DCAF6: variants seen among roughly 807,000 people sequenced by gnomAD.
The protein encoded by DCAF6 is DDB1- and CUL4-associated factor 6.
In DCAF6, 54 loss-of-function variants were observed where a neutral mutation model predicts 125.1. The observed-to-expected ratio is 0.43, with a 90% CI of 0.35 to 0.54. The LOEUF (loss-of-function observed/expected upper bound fraction) is 0.54, where lower values mean the gene tolerates loss of function less well. DCAF6 is among the 20% of genes least tolerant of loss of function. DCAF6 has a pLI of 0.01. For missense variants in DCAF6, 934 were observed against 1,161.7 expected, an observed-to-expected ratio of 0.80 and a Z score of 2.85; for synonymous variants, 371 against 390.4, an observed-to-expected ratio of 0.95 and a Z score of 0.58.
upstream of DCAF6, among the ~76,000 whole-genome samples, chr1:167,932,665 T>G (rs2102558641): frequency 6.6e-6 from 1 of 151,876 alleles, no homozygotes; most frequent in Non-Finnish European, 1.5e-5. Context: ...AAAAATTAGC[T>G]GAGCATGGTG....
chr1:167,904,666 C>T, the DCAF6 span: 1 of 587,092 alleles, frequency 1.7e-6, no homozygotes, highest in Non-Finnish European at 3.0e-6. Flanking sequence ...AGATCATTTC[C>T]TGAGGTCAAT....
chr1:167,974,879 A>C lies in DCAF6; in HGVS notation c.302A>C (p.Lys101Thr), dbSNP rs1173571361. 1 of 1,592,514 alleles carries C rather than the reference A, an allele frequency of 6.3e-7. No individual in the cohort carries two copies. The highest frequency in any genetic ancestry group is 8.5e-7 in the Non-Finnish European group (1 of 1,169,900). ...CACCGAGCAAACATATTTAGTGCAA[A>C]GTTCTTACCTTGTACAAATGATAAA... ...SGHRANIFSA[K>T]FLPCTNDKQI... is the part of the protein sequence containing the mutation. Residue 101 changes from lysine (K) to threonine (T), a missense_variant, in exon 4 of 22, where the codon AAG (lysine) becomes ACG (threonine). This residue lies in a region of DCAF6 where 309 missense variants were observed against 381.2 expected (regional missense o/e 0.81). Coordinates refer to ENST00000367840, the MANE Select transcript of DCAF6 (RefSeq NM_001198956.2).
chr1:167,909,679 G>A, the DCAF6 span, among the ~76,000 whole-genome samples: 1 of 152,098 alleles, frequency 6.6e-6, no homozygotes, highest in African/African-American at 2.4e-5. Context: ...CCCTGCTTGA[G>A]TAGATCTTGC....
intron 10 of DCAF6, among the ~76,000 whole-genome samples, chr1:168,011,942 C>T (rs992304014): frequency 1.4e-4 from 22 of 152,044 alleles, no homozygotes; most frequent in Admixed American, 2.6e-4. Flanking sequence ...CATTGCACTC[C>T]AGCCTGGGCG....
chr1:167,880,562 A>G, the DCAF6 span: 2 of 1,614,164 alleles, frequency 1.2e-6, no homozygotes, highest in Non-Finnish European at 1.7e-6. Flanking sequence ...TGAGCTCGTC[A>G]GGTACCTTTT....
At chr1:168,033,212 T>G (rs1162318673) in intron 12 of DCAF6, among the ~76,000 whole-genome samples, 1 of 152,144 alleles carries the variant, frequency 6.6e-6, no homozygotes, top group Admixed American at 6.5e-5. Context: ...TCAAGGAAAC[T>G]GCTTTCAAAT....
chr1:167,904,502 ATTTC>A, the DCAF6 span: 1 of 233,084 alleles, frequency 4.3e-6, no homozygotes, highest in African/African-American at 2.3e-5. Flanking sequence ...GGCTCCAGAT[ATTTC>A]TTTCTTCCAA....
intron 1 of DCAF6, among the ~76,000 whole-genome samples, chr1:167,947,187 C>G (rs1285216900): frequency 6.6e-6 from 1 of 151,998 alleles, no homozygotes; most frequent in Non-Finnish European, 1.5e-5. Flanking sequence ...CTGTGATGAT[C>G]TTTGTACTTC....
At chr1:167,971,556 A>G (rs1677307928) in intron 3 of DCAF6, among the ~76,000 whole-genome samples, 1 of 152,174 alleles carries the variant, frequency 6.6e-6, no homozygotes, top group Admixed American at 6.5e-5. Flanking sequence ...CTGAGCTTCA[A>G]GTTTTGGGAG....
chr1:167,937,662 A>G (rs573396113), intron 1 of DCAF6, among the ~76,000 whole-genome samples: 1 of 152,262 alleles, frequency 6.6e-6, no homozygotes, highest in East Asian at 1.9e-4. Context: ...CACACTTGGC[A>G]TTTACAGTTT....
Position 168,065,392 on chromosome 1 carries a change from C to A in DCAF6, c.2440-198C>A, listed in dbSNP as rs546140042. On this transcript the variant is annotated intron_variant, in intron 18 of 21. Coordinates refer to ENST00000367840, the MANE Select transcript of DCAF6 (RefSeq NM_001198956.2). ...CAAACTCCTCAGCTCAGGCAGTCCTCCTGCCTTGGCCTCCCAAAGTGCTGG... is the reference window on the plus strand; with the variant it reads ...CAAACTCCTCAGCTCAGGCAGTCCTACTGCCTTGGCCTCCCAAAGTGCTGG... Among the ~76,000 whole-genome samples the A allele has an allele frequency of 1.8e-4, 28 of 152,200 alleles. 2 individuals carry two copies. In the East Asian group the frequency reaches 4.6e-3, roughly 25 times the overall value.
intron 7 of DCAF6, among the ~76,000 whole-genome samples, chr1:167,994,682 G>T (rs539148695): frequency 6.6e-6 from 1 of 152,140 alleles, no homozygotes; most frequent in Non-Finnish European, 1.5e-5. Flanking sequence ...CACAGCTGTA[G>T]AAAAATGTTT....
intron 2 of DCAF6, among the ~76,000 whole-genome samples, chr1:167,953,707 C>T (rs1208273028): frequency 6.6e-6 from 1 of 152,062 alleles, no homozygotes; most frequent in East Asian, 1.9e-4. Flanking sequence ...TCAAGCAGTT[C>T]TCCGCTGCAG....
the DCAF6 span, among the ~76,000 whole-genome samples, chr1:167,872,286 C>T: frequency 6.6e-6 from 1 of 151,540 alleles, no homozygotes; most frequent in African/African-American, 2.4e-5. Context: ...TACAGTAAGC[C>T]GAGATGGCGC....
intron 2 of DCAF6, among the ~76,000 whole-genome samples, chr1:167,959,447 G>A (rs1303174074): frequency 6.6e-6 from 1 of 152,212 alleles, no homozygotes; most frequent in Admixed American, 6.5e-5. Context: ...ATGCTGTATT[G>A]TGTATGTTTA....
chr1:167,925,741 G>A, the DCAF6 span, among the ~76,000 whole-genome samples: 10 of 151,596 alleles, frequency 6.6e-5, no homozygotes, highest in East Asian at 1.2e-3. Flanking sequence ...TAGAGACAGG[G>A]TTTCACCATG....
chr1:167,982,178 A>T, intron 4 of DCAF6, among the ~76,000 whole-genome samples: 1 of 152,042 alleles, frequency 6.6e-6, no homozygotes, highest in Non-Finnish European at 1.5e-5. Flanking sequence ...CCTTTGGCGA[A>T]GTGTCTGTTC....
intron 17 of DCAF6, among the ~76,000 whole-genome samples, chr1:168,060,322 G>A (rs987113298): frequency 6.6e-6 from 1 of 151,960 alleles, no homozygotes; most frequent in Non-Finnish European, 1.5e-5. Flanking sequence ...AGGGACTACA[G>A]GTGTGTGTGT....
At chr1:167,979,415 T>C (rs555888523) in intron 4 of DCAF6, among the ~76,000 whole-genome samples, 17 of 152,306 alleles carry the variant, frequency 1.1e-4, no homozygotes, top group African/African-American at 4.1e-4. Flanking sequence ...CATTCTACTT[T>C]CTGTTTCTAA....
Sources: allele counts gnomAD v4.1 joint callset (sites outside exome capture counted in the v4.1 genomes callset), GRCh38; gene constraint gnomAD v4.1.1; regional missense constraint gnomAD v4.1.1; transcripts MANE v1.5; gene names NCBI Gene and HGNC (gene_info 2026-07-23, HGNC 2026-07-21).